The following ELN variants were observed in gnomAD, a reference collection of about 807,000 sequenced individuals.
The protein encoded by ELN is elastin.
ELN carries 65 observed loss-of-function variants against 105.8 expected under a neutral mutation model. The observed-to-expected ratio is 0.61, with a 90% CI of 0.50 to 0.75. The LOEUF is 0.75. Among genes scored for constraint, ELN ranks in the 30% least tolerant of loss-of-function variants. The pLI, the probability that ELN is intolerant of heterozygous loss-of-function variation, is 0.00. For synonymous variants in ELN, 368 were observed against 389.2 expected, an observed-to-expected ratio of 0.95 and a Z score of 0.64; for missense variants, 882 against 969.4, an observed-to-expected ratio of 0.91 and a Z score of 1.20.
At chr7:74,030,203 C>T (rs1412701652) in intron 1 of ELN, among the ~76,000 whole-genome samples, 5 of 152,284 alleles carry the variant, frequency 3.3e-5, no homozygotes, top group South Asian at 4.1e-4. Flanking sequence ...CTGCAGAGGT[C>T]GGGGAGCCAA....
rs1046246287 is a variant in ELN, at chr7:74,063,017, T to C, written c.1787-136T>C. 2.7e-6 allele frequency: 3 copies of C among 1,124,254 alleles called. No homozygotes were observed. The highest frequency in any genetic ancestry group is 3.1e-5 in the African/African-American group (2 of 63,776). The allele number at this position is 1,124,254 out of a possible 1,614,324, so 69.6% of individuals were successfully genotyped here. A position where few individuals can be genotyped will look rare whatever the true frequency, so the allele number is the denominator to read the frequency against. ...CCCCATCTCAAAATGAAACAAAATA[T>C]GGACTGGACTTCCTGTCCACTGCTC... On this transcript the variant is annotated intron_variant, in intron 26 of 32. Coordinates refer to ENST00000252034, the MANE Select transcript of ELN (RefSeq NM_000501.4). The surrounding 1 kb of genome is among the most constrained non-coding windows in gnomAD (Gnocchi z 4.1).
intron 17 of ELN, 171 bp from the exon 18 acceptor site, chr7:74,052,992 C>T: frequency 1.1e-6 from 1 of 870,828 alleles, no homozygotes; most frequent in Admixed American, 2.3e-5. Context: ...CTTTAGGGAC[C>T]CTCTTAGTCT....
chr7:74,061,748 C>A (rs556984198), intron 26 of ELN, among the ~76,000 whole-genome samples: 9 of 152,262 alleles, frequency 5.9e-5, no homozygotes, highest in South Asian at 2.1e-4. Flanking sequence ...GCTTATGGTG[C>A]CTTCAACCCC....
At chr7:74,047,994 T>C in intron 13 of ELN, 148 bp from the exon 14 acceptor site, 1 of 994,470 alleles carries the variant, frequency 1.0e-6, no homozygotes, top group East Asian at 2.5e-5. Context: ...AACAACTCCA[T>C]ACATGTGTTT....
chr7:74,058,207 CCTTCTTCTTCTTTCTT>C (rs1454399493), intron 22 of ELN, among the ~76,000 whole-genome samples: 200 of 149,688 alleles, frequency 1.3e-3, no homozygotes, highest in African/African-American at 4.8e-3. Context: ...CCTTTCTTCT[CCTTCTTCTTCTTTCTT>C]CTTCTTCTTC....
intron 19 of ELN, among the ~76,000 whole-genome samples, 188 bp downstream of exon 19, chr7:74,054,957 C>G (rs148846464): frequency 3.3e-5 from 5 of 152,252 alleles, no homozygotes; most frequent in Non-Finnish European, 5.9e-5. Context: ...GGCTGAGTGG[C>G]GGGAAAGTCC....
At chr7:74,045,395 T>C (rs1156573690) in intron 10 of ELN, 102 bp downstream of exon 10, 2 of 1,333,828 alleles carry the variant, frequency 1.5e-6, no homozygotes, top group Non-Finnish European at 2.1e-6. Flanking sequence ...CTCAGGGCCC[T>C]CTGGGTGACA....
chr7:74,050,919 C>T (rs1554675632), intron 15 of ELN, among the ~76,000 whole-genome samples: 1 of 152,074 alleles, frequency 6.6e-6, no homozygotes, highest in Admixed American at 6.6e-5. Flanking sequence ...ATGGGTACCA[C>T]GGTGGTTAGA....
At chr7:74,030,203 C>A (rs1412701652) in intron 1 of ELN, among the ~76,000 whole-genome samples, 1 of 152,168 alleles carries the variant, frequency 6.6e-6, no homozygotes, top group Non-Finnish European at 1.5e-5. Flanking sequence ...CTGCAGAGGT[C>A]GGGGAGCCAA....
chr7:74,057,244 T>TA (rs377192876), intron 21 of ELN: 3,835 of 649,930 alleles, frequency 5.9e-3, no homozygotes, highest in South Asian at 8.6e-3. Context: ...ACTCTAAAAA[T>TA]AAAAAAAAAA....
chr7:74,041,288 G>C, intron 5 of ELN, 37 bp downstream of exon 5: 1 of 1,613,478 alleles, frequency 6.2e-7, no homozygotes, highest in Non-Finnish European at 8.5e-7. Flanking sequence ...TCCCCTGTGG[G>C]GACCAGCCCC....
In ELN at chr7:74,069,027, T is replaced by C; in HGVS notation, c.*327T>C. On this transcript the variant is annotated 3_prime_UTR_variant, in exon 33 of 33. Transcript: ENST00000252034. ...CTACACGCTGGTGCTCTTATCTTCC[T>C]GGGGGGAGGGAGGAGGGAAGGGTGG... 1 of 439,850 alleles carries C rather than the reference T, an allele frequency of 2.3e-6. No individual in the cohort carries two copies. Among genetic ancestry groups the C allele is most frequent in the South Asian group, 2.4e-5 (1 of 40,968 alleles). 27.2% of individuals were successfully genotyped at this position (439,850 alleles called of 1,614,324 possible). A position where few individuals can be genotyped will look rare whatever the true frequency, so the allele number is the denominator to read the frequency against.
At chr7:74,062,708 G>A (rs921289824) in intron 26 of ELN, among the ~76,000 whole-genome samples, 9 of 151,982 alleles carry the variant, frequency 5.9e-5, no homozygotes, top group Non-Finnish European at 1.3e-4. Context: ...CCGCCACCAC[G>A]CCTGGCTAAT....
At chr7:74,032,007 G>A (rs1276031395) in intron 1 of ELN, among the ~76,000 whole-genome samples, 1 of 152,072 alleles carries the variant, frequency 6.6e-6, no homozygotes, top group African/African-American at 2.4e-5. Context: ...GCAGATTCTC[G>A]ATTGGAGGAA....
At chr7:74,045,365 G>A in intron 10 of ELN, 72 bp downstream of exon 10, 2 of 1,569,366 alleles carry the variant, frequency 1.3e-6, no homozygotes, top group Non-Finnish European at 1.7e-6. Context: ...GGTGTGAAAT[G>A]GGGTGGGATC....
chr7:74,034,966 T>C (rs1789567743), intron 1 of ELN, among the ~76,000 whole-genome samples: 1 of 151,536 alleles, frequency 6.6e-6, no homozygotes, highest in African/African-American at 2.4e-5. Flanking sequence ...CCGTGCTTGG[T>C]GGCATGCACC....
chr7:74,067,942 A>G (rs1798321553), intron 32 of ELN, among the ~76,000 whole-genome samples: 1 of 149,408 alleles, frequency 6.7e-6, no homozygotes, highest in Admixed American at 6.7e-5. Flanking sequence ...TCAAAAAAAA[A>G]AAAAAAAAAA....
In ELN at chr7:74,063,280, T is replaced by C. The variant is rs1396284636; in HGVS notation, c.1859-30T>C. 3 of 1,574,402 alleles carry C rather than the reference T, an allele frequency of 1.9e-6. No individual in the cohort carries two copies. The African/African-American group carries it at 4.0e-5, about 21-fold the overall frequency. On this transcript the variant is annotated intron_variant, in intron 27 of 32. Coordinates refer to ENST00000252034, the MANE Select transcript of ELN (RefSeq NM_000501.4). The surrounding 1 kb of genome is among the most constrained non-coding windows in gnomAD (Gnocchi z 4.1). ...GGGAGGGAATCTAACCAGTACAGAGTGCCTCCCTGAACTCGGTCTGTGTTC... is the reference window on the plus strand; with the variant it reads ...GGGAGGGAATCTAACCAGTACAGAGCGCCTCCCTGAACTCGGTCTGTGTTC...
intron 26 of ELN, among the ~76,000 whole-genome samples, chr7:74,061,585 G>C (rs1470016852): frequency 6.6e-6 from 1 of 152,146 alleles, no homozygotes; most frequent in African/African-American, 2.4e-5. Context: ...CCAGGAGATG[G>C]AGGTTGCAGT....
Sources: gnomAD v4.1 joint callset for allele counts (sites outside exome capture counted in the v4.1 genomes callset) on GRCh38, gnomAD v4.1.1 for gene constraint, Gnocchi (gnomAD v3.1) non-coding constraint, MANE v1.5 for transcripts, NCBI Gene and HGNC (gene_info 2026-07-23, HGNC 2026-07-21) for gene names.